Variants in TYR observed in about 807,000 individuals in gnomAD.
The protein encoded by TYR is tyrosinase, also known as LB24-AB.
A neutral mutation model predicts 51.5 loss-of-function variants in TYR; 58 were observed. The observed-to-expected ratio is 1.13, with a 90% CI of 0.91 to 1.40. The LOEUF is 1.40. Ranked by LOEUF, TYR falls within the 40% of genes most tolerant of loss-of-function variation. TYR has a pLI of 0.00. For synonymous variants in TYR, 263 were observed against 235.2 expected (o/e 1.12, Z -1.08); for missense variants, 732 against 647.4 (o/e 1.13, Z -1.42).
intron 1 of TYR, among the ~76,000 whole-genome samples, chr11:89,189,115 A>G (rs1020003424): frequency 2.0e-5 from 3 of 152,062 alleles, no homozygotes; most frequent in Non-Finnish European, 4.4e-5. Context: ...CTGCTAGACT[A>G]GTTATAAAAG....
intron 3 of TYR, among the ~76,000 whole-genome samples, chr11:89,235,057 A>T (rs896983613): frequency 2.6e-5 from 4 of 152,160 alleles, no homozygotes; most frequent in African/African-American, 9.7e-5. Flanking sequence ...CCAAACATAA[A>T]TAGCTTATAA....
rs1490659589 is a variant in TYR at position 89,256,436 on chromosome 11, A to G, written c.1185-28337A>G. Among the ~76,000 whole-genome samples the G allele has an allele frequency of 6.0e-5, 9 of 149,482 alleles. No homozygotes were observed. The East Asian group carries it at 7.8e-4, about 13-fold the overall frequency. ...TTTGTTTTCTATAGTTTTATACAAA[A>G]TGATAGAGGTATGTGTGTGTACTTG... On this transcript the variant is annotated intron_variant, in intron 3 of 4. Transcript: ENST00000263321.
chr11:89,195,079 T>C (rs1196053196), intron 2 of TYR, among the ~76,000 whole-genome samples: 2 of 152,146 alleles, frequency 1.3e-5, no homozygotes, highest in African/African-American at 4.8e-5. Context: ...CACAAGTGAA[T>C]ATAGCAGTGA....
rs535414672 is a variant in TYR at position 89,211,215 on chromosome 11, T to A, written c.1037-16608T>A. Among the ~76,000 whole-genome samples, 6 of 152,082 alleles carry A rather than the reference T, an allele frequency of 3.9e-5. No homozygotes were observed. The East Asian group carries it at 7.7e-4, about 20-fold the overall frequency. ...CGATGTGCTATATTCAGGAGACCCA[T>A]CTCACGTGCAAAGACACACATAGGC... On this transcript the variant is annotated intron_variant, in intron 2 of 4. Transcript: ENST00000263321.
At chr11:89,253,335 T>G (rs1283857634) in intron 3 of TYR, among the ~76,000 whole-genome samples, 1 of 151,778 alleles carries the variant, frequency 6.6e-6, no homozygotes. Flanking sequence ...TGTTGAGTTC[T>G]GCTCTTACAT....
intron 2 of TYR, among the ~76,000 whole-genome samples, chr11:89,220,035 C>G (rs748290888): frequency 6.6e-6 from 1 of 152,066 alleles, no homozygotes; most frequent in Non-Finnish European, 1.5e-5. Flanking sequence ...TAATTAAGAG[C>G]AAAGCTTGGA....
intron 3 of TYR, among the ~76,000 whole-genome samples, chr11:89,256,954 G>A (rs1944399914): frequency 6.6e-6 from 1 of 151,874 alleles, no homozygotes; most frequent in African/African-American, 2.4e-5. Flanking sequence ...ATGTAGGGGT[G>A]TGAGGGAATG....
intron 3 of TYR, 100 bp from the exon 4 acceptor site, chr11:89,284,673 C>T: frequency 1.9e-6 from 2 of 1,047,056 alleles, no homozygotes; most frequent in East Asian, 2.6e-5. Flanking sequence ...CTTTCCATGT[C>T]TCCAGATTTT....
intron 3 of TYR, among the ~76,000 whole-genome samples, chr11:89,274,856 C>T (rs977268661): frequency 4.0e-5 from 6 of 151,756 alleles, no homozygotes; most frequent in Admixed American, 1.3e-4. Context: ...CCCCAATTCC[C>T]CTCACTTTCA....
At chr11:89,213,037 G>C (rs1442329819) in intron 2 of TYR, among the ~76,000 whole-genome samples, 2 of 152,130 alleles carry the variant, frequency 1.3e-5, no homozygotes, top group Admixed American at 6.5e-5. Flanking sequence ...CACAAGACAA[G>C]GATGCCCTCT....
intron 3 of TYR, among the ~76,000 whole-genome samples, chr11:89,260,182 T>G (rs1944440011): frequency 6.6e-6 from 1 of 151,844 alleles, no homozygotes; most frequent in Non-Finnish European, 1.5e-5. Flanking sequence ...ATCAGACAGT[T>G]TTATTACCTT....
chr11:89,224,524 G>T (rs1943953259), intron 2 of TYR, among the ~76,000 whole-genome samples: 1 of 152,266 alleles, frequency 6.6e-6, no homozygotes, highest in African/African-American at 2.4e-5. Context: ...AACTTTCTAA[G>T]GGGTACATGG....
intron 3 of TYR, among the ~76,000 whole-genome samples, chr11:89,254,934 C>A (rs1409824258): frequency 6.6e-6 from 1 of 151,638 alleles, no homozygotes; most frequent in African/African-American, 2.4e-5. Flanking sequence ...CTTTTTCAGA[C>A]TTTTTGATGT....
intron 4 of TYR, among the ~76,000 whole-genome samples, chr11:89,288,054 G>A (rs917341464): frequency 5.3e-5 from 8 of 151,894 alleles, no homozygotes; most frequent in African/African-American, 1.9e-4. Context: ...AGAAAGACAT[G>A]GAGGAAAGCT....
intron 1 of TYR, among the ~76,000 whole-genome samples, chr11:89,190,463 G>A: frequency 6.6e-6 from 1 of 152,154 alleles, no homozygotes; most frequent in East Asian, 1.9e-4. Flanking sequence ...ATAGCATAAA[G>A]CTTATAGGCT....
chr11:89,178,871 C>T, intron 1 of TYR, 99 bp downstream of exon 1: 1 of 1,230,472 alleles, frequency 8.1e-7, no homozygotes, highest in East Asian at 2.4e-5. Flanking sequence ...CTCATTGCAG[C>T]CCCCATCAAG....
intron 3 of TYR, among the ~76,000 whole-genome samples, chr11:89,276,280 T>A (rs1590895518): frequency 6.6e-6 from 1 of 151,944 alleles, no homozygotes; most frequent in South Asian, 2.1e-4. Flanking sequence ...CAATCTAGCA[T>A]CTGTTTTCTG....
rs367543068 is a variant in TYR at position 89,178,692 on chromosome 11, T to C, written c.739T>C (p.Cys247Arg). The change falls in exon 1 of 5, where the codon TGC (cysteine) becomes CGC (arginine). Residue 247 changes from cysteine to arginine, a missense_variant. Coordinates refer to ENST00000263321, the MANE Select transcript of TYR (RefSeq NM_000372.5). ...GCGGGATGCAGAAAAGTGTGACATT[T>C]GCACAGATGAGTACATGGGAGGTCA... ...DWRDAEKCDI[C>R]TDEYMGGQHP... 1.2e-6 allele frequency: 2 copies of C among 1,614,050 alleles called. No individual in the cohort carries two copies. The highest frequency in any genetic ancestry group is 8.5e-7 in the Non-Finnish European group (1 of 1,179,974).
Position 89,205,598 on chromosome 11 carries a change from T to C in TYR, c.1036+14180T>C, listed in dbSNP as rs143925834. On this transcript the variant is annotated intron_variant, in intron 2 of 4. Coordinates refer to ENST00000263321, the MANE Select transcript of TYR (RefSeq NM_000372.5). ...AGGTGGCACTGCATTTTTCAAATGC[T>C]GAAAAAAATGAACTGTTAACCCAGT... Among the ~76,000 whole-genome samples the C allele has an allele frequency of 1.8e-4, 28 of 152,122 alleles. No homozygotes were observed. In the East Asian group the frequency reaches 4.6e-3, roughly 25 times the overall value.
Sources: gnomAD v4.1 joint callset for allele counts (sites outside exome capture counted in the v4.1 genomes callset) on GRCh38, gnomAD v4.1.1 for gene constraint, MANE v1.5 for transcripts, NCBI Gene and HGNC (gene_info 2026-07-23, HGNC 2026-07-21) for gene names.